The following RSU1 variants were observed in gnomAD, a reference collection of about 807,000 sequenced individuals.
RSU1 encodes rsu-1.
RSU1 carries 26 observed loss-of-function variants against 31.1 expected under a neutral mutation model. The ratio of observed to expected loss-of-function variants is 0.84; its 90% CI spans 0.61 to 1.16. The LOEUF (loss-of-function observed/expected upper bound fraction) is 1.16. Ranked by LOEUF, RSU1 falls within the 50% of genes most tolerant of loss-of-function variation. RSU1 has a pLI of 0.00. For synonymous variants in RSU1, 164 were observed against 136.3 expected (o/e 1.20, Z -1.41); for missense variants, 320 against 339.1 (o/e 0.94, Z 0.44).
chr10:16,637,035 G>A (rs1291038179), intron 8 of RSU1, among the ~76,000 whole-genome samples: 1 of 152,118 alleles, frequency 6.6e-6, no homozygotes, highest in Non-Finnish European at 1.5e-5. Context: ...ATAAAAAAAC[G>A]GCTATGCTTG....
intron 7 of RSU1, 124 bp from the exon 8 acceptor site, chr10:16,695,279 T>G (rs1835653338): frequency 2.2e-6 from 2 of 895,486 alleles, no homozygotes; most frequent in East Asian, 2.6e-5. Flanking sequence ...TTGGATCATT[T>G]GATGTCTTTT....
At chr10:16,692,268 A>T (rs1327870470) in intron 8 of RSU1, among the ~76,000 whole-genome samples, 2 of 152,210 alleles carry the variant, frequency 1.3e-5, no homozygotes, top group Non-Finnish European at 2.9e-5. Flanking sequence ...AAATCAGTTA[A>T]AATAGTCTGT....
chr10:16,709,166 C>A (rs939501601), intron 7 of RSU1, among the ~76,000 whole-genome samples: 1 of 150,510 alleles, frequency 6.6e-6, no homozygotes, highest in Non-Finnish European at 1.5e-5. Context: ...CCACAACAGG[C>A]CCCAGAGTGT....
chr10:16,637,458 T>C (rs1392862424), intron 8 of RSU1, among the ~76,000 whole-genome samples: 1 of 127,422 alleles, frequency 7.8e-6, no homozygotes, highest in African/African-American at 3.7e-5. Context: ...TTCCTAAGGA[T>C]TTTTTTTTTT....
rs978877498 is a variant in RSU1, at chr10:16,592,293, T to G, written c.*1101A>C. ...GCATCTTCACATACCATTTTTTTTG[T>G]GTCGGCCTTCTGGGGTTGACAGCCC... On this transcript the variant is annotated 3_prime_UTR_variant, in exon 9 of 9. Transcript: ENST00000345264. 2.0e-5 allele frequency: 3 copies of G among 152,212 alleles called. No individual in the cohort carries two copies. The highest frequency in any genetic ancestry group is 7.2e-5 in the African/African-American group (3 of 41,468). 9.4% of individuals were successfully genotyped at this position (152,212 alleles called of 1,614,324 possible).
In RSU1 at chr10:16,714,757, A is replaced by G. The variant is rs78229942; in HGVS notation, c.599-19602T>C. Among the ~76,000 whole-genome samples the G allele has an allele frequency of 7.1e-3, 1,075 of 152,204 alleles. 16 individuals carry two copies. The highest frequency in any genetic ancestry group is 0.024 in the African/African-American group (984 of 41,516). Reference sequence around the variant, plus strand: ...TAGGCCTCCAGGATGAAAAGAGTCAATTGCTACTGGTGCGCAGGGCAGGAT... The same window carrying G: ...TAGGCCTCCAGGATGAAAAGAGTCAGTTGCTACTGGTGCGCAGGGCAGGAT... On this transcript the variant is annotated intron_variant, in intron 7 of 8. Transcript: ENST00000345264.
In RSU1 at chr10:16,593,436, C is replaced by A; in HGVS notation, c.792G>T (p.Ser264=). The change falls in exon 9 of 9, where the codon TCG becomes TCT. Residue 264 remains serine (S), a synonymous_variant. Transcript: ENST00000345264. ...CCAGGGGTTTCCGGCTGATCTTTTT[C>A]GATTTGTCATTATTCTTCTTCGGTG... ...PEPPKKNNDK[S]KKISRKPLAA... 6.2e-7 allele frequency: 1 copy of A among 1,613,962 alleles called. No individual in the cohort carries two copies. The highest frequency in any genetic ancestry group is 8.5e-7 in the Non-Finnish European group (1 of 1,179,990).
chr10:16,671,782 T>G lies in RSU1; in HGVS notation c.731+23241A>C, dbSNP rs10904786. 2.5e-3 allele frequency among the ~76,000 whole-genome samples: 373 copies of G among 151,166 alleles called. 2 individuals are homozygous for G. Among genetic ancestry groups the G allele is most frequent in the African/African-American group, 8.7e-3 (357 of 41,148 alleles). ...CTGGGGCTACAGGCACATACCACCA[T>G]GCCCAGCTAATTTTTGTATTTTTTT... On this transcript the variant is annotated intron_variant, in intron 8 of 8. Coordinates refer to ENST00000345264, the MANE Select transcript of RSU1 (RefSeq NM_012425.4).
chr10:16,801,017 T>C (rs2131671226), intron 2 of RSU1, among the ~76,000 whole-genome samples: 1 of 151,014 alleles, frequency 6.6e-6, no homozygotes, highest in South Asian at 2.1e-4. Context: ...TAGGTATTAA[T>C]CTAAGTAATA....
intron 8 of RSU1, among the ~76,000 whole-genome samples, chr10:16,598,323 G>A (rs2131454515): frequency 6.6e-6 from 1 of 152,236 alleles, no homozygotes; most frequent in African/African-American, 2.4e-5. Context: ...AGGATTGCTT[G>A]AGGCCAGGCG....
At chr10:16,681,357 G>T (rs1189125231) in intron 8 of RSU1, among the ~76,000 whole-genome samples, 1 of 152,084 alleles carries the variant, frequency 6.6e-6, no homozygotes, top group Non-Finnish European at 1.5e-5. Context: ...AAACTGTCAG[G>T]AATTCGTGTG....
Position 16,752,937 on chromosome 10 carries a change from T to C in RSU1, c.464A>G (p.Lys155Arg). 6.2e-7 allele frequency: 1 copy of C among 1,614,002 alleles called. No individual in the cohort carries two copies. Among genetic ancestry groups the C allele is most frequent in the Non-Finnish European group, 8.5e-7 (1 of 1,179,872 alleles). ...DFEILPPDIGKLTKLQILSLR... is the reference protein window; with the variant it reads ...DFEILPPDIGRLTKLQILSLR... ...ACTTACTATCTGCAACTTTGTGAGCTTCCCAATATCTGGCGGCAGGATTTC... is the reference window on the plus strand; with the variant it reads ...ACTTACTATCTGCAACTTTGTGAGCCTCCCAATATCTGGCGGCAGGATTTC... Residue 155 changes from lysine (K) to arginine (R), a missense_variant, in exon 6 of 9, where the codon AAG (lysine) becomes AGG (arginine). Physicochemically the swap from Lys to Arg is conservative, Grantham distance 26. Coordinates refer to ENST00000345264, the MANE Select transcript of RSU1 (RefSeq NM_012425.4).
chr10:16,686,863 T>C (rs1272631798), intron 8 of RSU1, among the ~76,000 whole-genome samples: 1 of 150,376 alleles, frequency 6.6e-6, no homozygotes, highest in African/African-American at 2.4e-5. Flanking sequence ...GTAGTTTTTT[T>C]CCCCTATGCC....
intron 2 of RSU1, among the ~76,000 whole-genome samples, chr10:16,804,914 C>A (rs548312488): frequency 1.3e-5 from 2 of 152,134 alleles, no homozygotes; most frequent in African/African-American, 4.8e-5. Context: ...GAATACATTA[C>A]ATTAATTTGC....
At chr10:16,745,143 T>G (rs896701072) in intron 7 of RSU1, among the ~76,000 whole-genome samples, 1 of 152,208 alleles carries the variant, frequency 6.6e-6, no homozygotes, top group Non-Finnish European at 1.5e-5. Context: ...TTCAGAAAGC[T>G]GGTCTCTAAA....
intron 2 of RSU1, among the ~76,000 whole-genome samples, chr10:16,811,803 T>C (rs1451554768): frequency 6.6e-6 from 1 of 152,236 alleles, no homozygotes; most frequent in Non-Finnish European, 1.5e-5. Context: ...TCTCCAGAGC[T>C]ATGCTTTCTC....
In RSU1 at chr10:16,593,135, T is replaced by C. The variant is rs1833539348; in HGVS notation, c.*259A>G. On this transcript the variant is annotated 3_prime_UTR_variant, in exon 9 of 9. Transcript: ENST00000345264. ...AGAAAAGCCAGAGCCCACTATGGAA[T>C]TCGCAGTTGAATAAGAGCTTTGTTC... The C allele has an allele frequency of 4.7e-6, 2 of 428,256 alleles. No homozygotes were observed. The highest frequency in any genetic ancestry group is 7.7e-6 in the Non-Finnish European group (2 of 259,606). 26.5% of individuals were successfully genotyped at this position (428,256 alleles called of 1,614,324 possible). A position where few individuals can be genotyped will look rare whatever the true frequency, so the allele number is the denominator to read the frequency against.
At chr10:16,805,513 T>C (rs1002011922) in intron 2 of RSU1, among the ~76,000 whole-genome samples, 6 of 148,212 alleles carry the variant, frequency 4.0e-5, no homozygotes, top group Non-Finnish European at 6.0e-5. Flanking sequence ...CTACTAAAAA[T>C]ACAAAAAAAA....
intron 2 of RSU1, among the ~76,000 whole-genome samples, chr10:16,798,579 T>C (rs960218684): frequency 1.6e-4 from 24 of 152,224 alleles, no homozygotes; most frequent in African/African-American, 5.1e-4. Flanking sequence ...TCCGCCATGA[T>C]TGTAAGTTTC....
Sources: gnomAD v4.1 joint callset for allele counts (sites outside exome capture counted in the v4.1 genomes callset) on GRCh38, gnomAD v4.1.1 for gene constraint, MANE v1.5 for transcripts, NCBI Gene and HGNC (gene_info 2026-07-23, HGNC 2026-07-21) for gene names.